GIGYF2: variants seen among roughly 807,000 people sequenced by gnomAD.
GIGYF2 encodes GRB10-interacting GYF protein 2.
A neutral mutation model predicts 208.1 loss-of-function variants in GIGYF2; 25 were observed. The observed-to-expected ratio is 0.12, with a 90% CI of 0.09 to 0.17. GIGYF2 has a LOEUF of 0.17. GIGYF2 is among the 10% of genes least tolerant of loss of function. The pLI is 1.00. For missense variants in GIGYF2, 1,302 were observed against 1,579.4 expected (o/e 0.82, Z 2.98); for synonymous variants, 534 against 543.8 (o/e 0.98, Z 0.25).
chr2:232,797,489 T>TTGTGTGTGTGTGTGTGTG (rs67221198), intron 14 of GIGYF2, among the ~76,000 whole-genome samples: 77 of 145,084 alleles, frequency 5.3e-4, no homozygotes, highest in African/African-American at 1.8e-3. Flanking sequence ...AGAGCAGGGC[T>TTGTGTGTGTGTGTGTGTG]TGTGTGTGTG....
rs764897787 is a variant in GIGYF2, at chr2:232,850,418, G to A, written c.3832+9G>A. 1.9e-6 allele frequency: 3 copies of A among 1,612,684 alleles called. No homozygotes were observed. Among genetic ancestry groups the A allele is most frequent in the African/African-American group, 1.3e-5 (1 of 75,020 alleles). ...AGATCCCAGTTTATTAGGTGAGCAC[G>A]GTCCTAGTCTCAGCTGAGTGTTGGA... On this transcript the variant is annotated intron_variant, in intron 28 of 28. Transcript: ENST00000373563.
In GIGYF2 at chr2:232,856,777, AG is replaced by A. The variant is rs991566336; in HGVS notation, c.3833-15del. The stretch of plus-strand genomic sequence containing the variant: ...TGCCTGGGTGTGGTCACTCATAGCC[AG>A]TTTTTTTTCTGCAGGATTTTCAGTC... On this transcript the variant is annotated splice_polypyrimidine_tract_variant and intron_variant, in intron 28 of 28. Coordinates refer to ENST00000373563, the MANE Select transcript of GIGYF2 (RefSeq NM_001103146.3). The A allele has an allele frequency of 9.4e-6, 15 of 1,590,340 alleles. No individual in the cohort carries two copies. The highest frequency in any genetic ancestry group is 1.2e-5 in the Non-Finnish European group (14 of 1,158,300).
At position 232,857,136 on chromosome 2, in the gene GIGYF2, T is replaced by C; in HGVS notation, c.*276T>C. ...AACAAGGCTGATTTTAGGCAGCATGTGTTCACTGTGCTGTGATTTCATCTA... is the reference window on the plus strand; with the variant it reads ...AACAAGGCTGATTTTAGGCAGCATGCGTTCACTGTGCTGTGATTTCATCTA... On this transcript the variant is annotated 3_prime_UTR_variant, in exon 29 of 29. Coordinates refer to ENST00000373563, the MANE Select transcript of GIGYF2 (RefSeq NM_001103146.3). 1 of 527,548 alleles carries C rather than the reference T, an allele frequency of 1.9e-6. No individual in the cohort carries two copies. The highest frequency in any genetic ancestry group is 3.4e-5 in the East Asian group (1 of 29,532). The allele number at this position is 527,548 out of a possible 1,614,324, so 32.7% of individuals were successfully genotyped here.
At chr2:232,764,262 A>G (rs987730524) in intron 8 of GIGYF2, among the ~76,000 whole-genome samples, 3 of 152,218 alleles carry the variant, frequency 2.0e-5, no homozygotes, top group Admixed American at 6.5e-5. Context: ...GAAAGGATAC[A>G]ACCCTCTCAG....
chr2:232,816,844 T>C (rs976367062), intron 19 of GIGYF2, 27 bp from the exon 20 acceptor site: 1 of 1,590,730 alleles, frequency 6.3e-7, no homozygotes, highest in Admixed American at 1.7e-5. Context: ...GTTTCAAGTT[T>C]CTAAGAGTAC....
At chr2:232,798,955 T>TGG (rs1400156818) in intron 14 of GIGYF2, among the ~76,000 whole-genome samples, 9 of 150,616 alleles carry the variant, frequency 6.0e-5, no homozygotes, top group East Asian at 5.9e-4. Context: ...TCCCTGGCAA[T>TGG]TACCATTGCC....
intron 26 of GIGYF2, among the ~76,000 whole-genome samples, chr2:232,846,440 C>T (rs910278259): frequency 1.3e-5 from 2 of 152,128 alleles, no homozygotes; most frequent in African/African-American, 4.8e-5. Context: ...TCTCCCATCC[C>T]TGAATATTTG....
At chr2:232,770,847 G>T in intron 8 of GIGYF2, 1 of 1,246,184 alleles carries the variant, frequency 8.0e-7, no homozygotes, top group Non-Finnish European at 1.2e-6. Flanking sequence ...AACACCTGTA[G>T]TTTTGTTTTG....
intron 5 of GIGYF2, among the ~76,000 whole-genome samples, chr2:232,752,045 G>A (rs1484827242): frequency 6.6e-6 from 1 of 152,140 alleles, no homozygotes; most frequent in Admixed American, 6.5e-5. Context: ...CTTGATGCAA[G>A]GATTGGGAGG....
intron 20 of GIGYF2, among the ~76,000 whole-genome samples, chr2:232,819,298 A>G (rs1018475906): frequency 2.0e-5 from 3 of 152,218 alleles, no homozygotes; most frequent in Non-Finnish European, 4.4e-5. Context: ...AATGATCTCA[A>G]CAATGGGACT....
chr2:232,697,609 C>T (rs1329435192), intron 1 of GIGYF2, among the ~76,000 whole-genome samples: 1 of 152,246 alleles, frequency 6.6e-6, no homozygotes, highest in African/African-American at 2.4e-5. Flanking sequence ...GGAGCCTCCT[C>T]CTGGGCGAGG....
chr2:232,831,705 C>T (rs1269741787), intron 21 of GIGYF2, among the ~76,000 whole-genome samples: 1 of 152,208 alleles, frequency 6.6e-6, no homozygotes, highest in East Asian at 1.9e-4. Context: ...CCTTTGCATA[C>T]TCCTCCTCTG....
At chr2:232,739,018 C>A (rs2106301397) in intron 3 of GIGYF2, among the ~76,000 whole-genome samples, 1 of 152,150 alleles carries the variant, frequency 6.6e-6, no homozygotes, top group South Asian at 2.1e-4. Flanking sequence ...AATAAACACA[C>A]TTATTCTAGA....
intron 2 of GIGYF2, among the ~76,000 whole-genome samples, chr2:232,728,546 A>G (rs1037727725): frequency 3.3e-5 from 5 of 152,182 alleles, no homozygotes; most frequent in Non-Finnish European, 5.9e-5. Flanking sequence ...TGACCAGTAA[A>G]CTGAAAACAG....
At chr2:232,769,622 T>C (rs988477951) in intron 8 of GIGYF2, among the ~76,000 whole-genome samples, 6 of 152,008 alleles carry the variant, frequency 3.9e-5, no homozygotes, top group Non-Finnish European at 5.9e-5. Context: ...GACTATCAGG[T>C]AATTTCAGTG....
chr2:232,759,972 A>G (rs1286346779), intron 6 of GIGYF2, among the ~76,000 whole-genome samples: 1 of 152,156 alleles, frequency 6.6e-6, no homozygotes, highest in East Asian at 1.9e-4. Context: ...TATACCCTGT[A>G]TGGCATTCAT....
intron 21 of GIGYF2, among the ~76,000 whole-genome samples, chr2:232,822,685 G>T (rs1701128938): frequency 6.6e-6 from 1 of 152,160 alleles, no homozygotes. Flanking sequence ...CTCGGAGGGG[G>T]AAAAGCTGTT....
chr2:232,762,954 C>T (rs1424939082), intron 8 of GIGYF2, among the ~76,000 whole-genome samples: 1 of 151,738 alleles, frequency 6.6e-6, no homozygotes, highest in East Asian at 1.9e-4. Flanking sequence ...CCCAAGAAGT[C>T]GAGGCTGCAG....
At chr2:232,777,345 T>G (rs557961600) in intron 8 of GIGYF2, among the ~76,000 whole-genome samples, 1 of 152,336 alleles carries the variant, frequency 6.6e-6, no homozygotes, top group South Asian at 2.1e-4. Context: ...AAATAGTGTT[T>G]AGCTGGAAAA....
Sources: allele counts gnomAD v4.1 joint callset (sites outside exome capture counted in the v4.1 genomes callset), GRCh38; gene constraint gnomAD v4.1.1; transcripts MANE v1.5; gene names NCBI Gene and HGNC (gene_info 2026-07-23, HGNC 2026-07-21).